RBM27: variants seen among roughly 807,000 people sequenced by gnomAD.
RBM27 encodes RNA binding motif protein 27, also known as RNA-binding protein 27.
A neutral mutation model predicts 135.3 loss-of-function variants in RBM27; 22 were observed. The ratio of observed to expected loss-of-function variants is 0.16; its 90% confidence interval spans 0.12 to 0.23. The LOEUF is 0.23. Among genes scored for constraint, RBM27 ranks in the 10% least tolerant of loss-of-function variants. The pLI is 1.00. For missense variants in RBM27, 1,009 were observed against 1,281.0 expected, an observed-to-expected ratio of 0.79 and a Z score of 3.24; for synonymous variants, 481 against 442.4, an observed-to-expected ratio of 1.09 and a Z score of -1.10.
Position 146,236,945 on chromosome 5 carries a change from T to C in RBM27, c.1145-353T>C, listed in dbSNP as rs1243513190. Among the ~76,000 whole-genome samples, 343 of 148,238 alleles carry C rather than the reference T, an allele frequency of 2.3e-3. 4 individuals carry two copies. Among genetic ancestry groups the C allele is most frequent in the African/African-American group, 8.3e-3 (333 of 40,282 alleles). Reference sequence around the variant, plus strand: ...TATGATGGTCCTTTTTTTTTTTTTTTTTTTTTTTTCGAGACAGAGTTTTGC... The same window carrying C: ...TATGATGGTCCTTTTTTTTTTTTTTCTTTTTTTTTCGAGACAGAGTTTTGC... On this transcript the variant is annotated intron_variant, in intron 7 of 20. Transcript: ENST00000265271.
chr5:146,277,480 T>C (rs1759137893), intron 19 of RBM27, among the ~76,000 whole-genome samples: 1 of 152,078 alleles, frequency 6.6e-6, no homozygotes, highest in African/African-American at 2.4e-5. Context: ...AACAATGTTA[T>C]ATACATCATG....
At chr5:146,225,535 TAGGA>T (rs1279368512) in intron 3 of RBM27, among the ~76,000 whole-genome samples, 1 of 151,828 alleles carries the variant, frequency 6.6e-6, no homozygotes, top group African/African-American at 2.4e-5. Context: ...GTACTGGAAA[TAGGA>T]AGAAGCCTTT....
At chr5:146,229,140 T>C (rs1756814353) in intron 4 of RBM27, 103 bp downstream of exon 4, 2 of 769,698 alleles carry the variant, frequency 2.6e-6, no homozygotes, top group East Asian at 2.6e-5. Flanking sequence ...CTCCTCTCTC[T>C]GTAAACTCAT....
intron 15 of RBM27, among the ~76,000 whole-genome samples, chr5:146,268,195 C>A (rs1034355598): frequency 1.6e-4 from 24 of 151,226 alleles, no homozygotes; most frequent in African/African-American, 5.8e-4. Context: ...GGGTGGGAGG[C>A]AAAATTTTCC....
chr5:146,218,058 T>G (rs561800299), intron 1 of RBM27, among the ~76,000 whole-genome samples: 68 of 152,328 alleles, frequency 4.5e-4, no homozygotes, highest in African/African-American at 1.6e-3. Flanking sequence ...GCACCCAGCC[T>G]GAATGTTTTC....
chr5:146,256,741 G>A (rs1758122097), intron 10 of RBM27, among the ~76,000 whole-genome samples: 1 of 152,072 alleles, frequency 6.6e-6, no homozygotes, highest in African/African-American at 2.4e-5. Context: ...TAAAGAACTT[G>A]CCCAAAGTCA....
At chr5:146,265,738 T>C (rs1352317340) in intron 14 of RBM27, among the ~76,000 whole-genome samples, 1 of 152,214 alleles carries the variant, frequency 6.6e-6, no homozygotes, top group Non-Finnish European at 1.5e-5. Flanking sequence ...GTTGACAGTG[T>C]TGATATTCTA....
chr5:146,208,328 TATTAGAGC>T (rs1755790847), intron 1 of RBM27, among the ~76,000 whole-genome samples: 1 of 152,212 alleles, frequency 6.6e-6, no homozygotes, highest in South Asian at 2.1e-4. Flanking sequence ...TGTCATGGGC[TATTAGAGC>T]TTATCTGTTA....
At chr5:146,225,577 T>C (rs1756635984) in intron 3 of RBM27, among the ~76,000 whole-genome samples, 1 of 151,382 alleles carries the variant, frequency 6.6e-6, no homozygotes, top group South Asian at 2.1e-4. Flanking sequence ...GTTTTTTTTT[T>C]TTTTTTTGAG....
chr5:146,233,857 T>C, intron 7 of RBM27, 114 bp downstream of exon 7: 1 of 663,552 alleles, frequency 1.5e-6, no homozygotes, highest in Admixed American at 3.9e-5. Flanking sequence ...ATAATATAAT[T>C]TGGAATATAT....
intron 8 of RBM27, among the ~76,000 whole-genome samples, chr5:146,241,186 A>T (rs1254452466): frequency 6.6e-6 from 1 of 152,136 alleles, no homozygotes; most frequent in East Asian, 1.9e-4. Flanking sequence ...GGCAATTACC[A>T]TTTATTTTTA....
At position 146,284,496 on chromosome 5, in the gene RBM27, A is replaced by T. The variant is rs760222813; in HGVS notation, c.2989-126A>T. 6.9e-5 allele frequency: 48 copies of T among 694,784 alleles called. No homozygotes were observed. In the Middle Eastern group the frequency reaches 2.8e-3, roughly 40 times the overall value. 43.0% of individuals were successfully genotyped at this position (694,784 alleles called of 1,614,324 possible). On this transcript the variant is annotated intron_variant, in intron 19 of 20. Transcript: ENST00000265271. ...TTATTTTTTTTAGCTCTCATTGGAG[A>T]TTGTAGATCCACCTTAACAGATTTC...
At chr5:146,228,278 C>CTTTTTTTTTTTTTTTTTTTTTTTTTTT (rs201464624) in intron 3 of RBM27, among the ~76,000 whole-genome samples, 3 of 116,860 alleles carry the variant, frequency 2.6e-5, no homozygotes, top group African/African-American at 3.5e-5. Context: ...AGGGACCATT[C>CTTTTTTTTTTTTTTTTTTTTTTTTTTT]TTTCTTTTTT....
chr5:146,259,979 CAAAAAAAAAAAA>C (rs34781548), intron 11 of RBM27, among the ~76,000 whole-genome samples: 6 of 35,292 alleles, frequency 1.7e-4, no homozygotes, highest in East Asian at 1.8e-3. Flanking sequence ...GACTCCGTCT[CAAAAAAAAAAAA>C]AAAAAAAAAA....
chr5:146,288,495 G>A lies in RBM27; in HGVS notation c.*2465G>A, dbSNP rs917466265. ...GAAAACTTCAGGTTAGCATAAAATA[G>A]TTTATATATATCCCCTGCCCCCTTT... On this transcript the variant is annotated 3_prime_UTR_variant, in exon 21 of 21. Coordinates refer to ENST00000265271, the MANE Select transcript of RBM27 (RefSeq NM_018989.2). 6.6e-6 allele frequency: 1 copy of A among 152,032 alleles called. No homozygotes were observed. Among genetic ancestry groups the A allele is most frequent in the Non-Finnish European group, 1.5e-5 (1 of 67,942 alleles). The allele number at this position is 152,032 out of a possible 1,614,324, so 9.4% of individuals were successfully genotyped here.
intron 7 of RBM27, among the ~76,000 whole-genome samples, chr5:146,234,235 T>C (rs1328256256): frequency 6.6e-6 from 1 of 152,162 alleles, no homozygotes; most frequent in African/African-American, 2.4e-5. Context: ...TTTTCCAGTC[T>C]TTAAGGAAAA....
At chr5:146,267,844 A>C in intron 15 of RBM27, 76 bp downstream of exon 15, 1 of 1,434,650 alleles carries the variant, frequency 7.0e-7, no homozygotes, top group Non-Finnish European at 9.6e-7. Context: ...TATCACTTTT[A>C]AATCAGTTCA....
chr5:146,213,588 G>GT (rs1756067542), intron 1 of RBM27, among the ~76,000 whole-genome samples: 1 of 152,226 alleles, frequency 6.6e-6, no homozygotes, highest in African/African-American at 2.4e-5. Flanking sequence ...AAAGGTCTAA[G>GT]TAGTCTTGGC....
intron 11 of RBM27, 87 bp downstream of exon 11, chr5:146,258,680 A>G: frequency 1.6e-6 from 2 of 1,233,590 alleles, no homozygotes; most frequent in Non-Finnish European, 2.1e-6. Context: ...TCATTAATTA[A>G]TGTTTTTCAA....
Sources: gnomAD v4.1 joint callset for allele counts (sites outside exome capture counted in the v4.1 genomes callset) on GRCh38, gnomAD v4.1.1 for gene constraint, MANE v1.5 for transcripts, NCBI Gene and HGNC (gene_info 2026-07-23, HGNC 2026-07-21) for gene names.